The following KIF24 variants were observed in gnomAD, a reference collection of about 807,000 sequenced individuals.
KIF24 encodes kinesin family member 24.
In KIF24, 81 loss-of-function variants were observed where a neutral mutation model predicts 118.9. That is an observed-to-expected ratio of 0.68 (90% confidence interval 0.57 to 0.82). The LOEUF (loss-of-function observed/expected upper bound fraction) is 0.82. Among genes scored for constraint, KIF24 ranks in the 40% least tolerant of loss-of-function variants. The probability of loss-of-function intolerance (pLI) is 0.00; values close to 1 mark genes in which losing one functional copy is unlikely to be tolerated. For synonymous variants in KIF24, 599 were observed against 610.0 expected, an observed-to-expected ratio of 0.98 and a Z score of 0.27; for missense variants, 1,560 against 1,661.6, an observed-to-expected ratio of 0.94 and a Z score of 1.06.
rs1245496947 is a variant in KIF24 at position 34,311,711 on chromosome 9, T to C, written c.-25-340A>G. 2.9e-5 allele frequency among the ~76,000 whole-genome samples: 4 copies of C among 139,980 alleles called. No individual in the cohort carries two copies. The Admixed American group carries it at 3.0e-4, about 11-fold the overall frequency. 91.8% of individuals were successfully genotyped at this position (139,980 alleles called of 152,430 possible). On this transcript the variant is annotated intron_variant, in intron 1 of 12. Transcript: ENST00000402558. ...ATACGTATATATGTACATATATACGTATATATGTATATACACGTATATATA... is the reference window on the plus strand; with the variant it reads ...ATACGTATATATGTACATATATACGCATATATGTATATACACGTATATATA...
intron 1 of KIF24, among the ~76,000 whole-genome samples, chr9:34,322,197 T>TCTAAA (rs1837547489): frequency 6.6e-6 from 1 of 152,178 alleles, no homozygotes; most frequent in African/African-American, 2.4e-5. Flanking sequence ...AACAGAGTAG[T>TCTAAA]GGCTGTCCCC....
chr9:34,260,799 C>T (rs1195962810), intron 9 of KIF24, among the ~76,000 whole-genome samples: 2 of 151,986 alleles, frequency 1.3e-5, no homozygotes, highest in Admixed American at 6.6e-5. Context: ...GGCGAAACCC[C>T]GTCTCTACTA....
intron 6 of KIF24, among the ~76,000 whole-genome samples, chr9:34,285,425 C>T (rs899950828): frequency 7.2e-5 from 11 of 151,820 alleles, no homozygotes; most frequent in South Asian, 6.2e-4. Flanking sequence ...GTCAGGAGTT[C>T]GAGACCACCC....
At chr9:34,319,320 C>A in intron 1 of KIF24, 2 of 923,064 alleles carry the variant, frequency 2.2e-6, no homozygotes, top group Non-Finnish European at 3.6e-6. Context: ...TCTCCTTGCC[C>A]AAGCGGGTGG....
At position 34,318,716 on chromosome 9, in the gene KIF24, G is replaced by C. The variant is rs1051562139; in HGVS notation, c.-25-7345C>G. On this transcript the variant is annotated intron_variant, in intron 1 of 12. Coordinates refer to ENST00000402558, the MANE Select transcript of KIF24 (RefSeq NM_194313.4). This position sits in a 1 kb window ranked among gnomAD's most constrained non-coding sequence, Gnocchi z 4.9. ...GCTGAGTGCCAAGCAGCTGAGCGAC[G>C]AGGAGGTGCACGCCGGCGTGGGCGA... 68 of 1,508,462 alleles carry C rather than the reference G, an allele frequency of 4.5e-5. No homozygotes were observed. In the Admixed American group the frequency reaches 1.2e-3, roughly 26 times the overall value. The allele number at this position is 1,508,462 out of a possible 1,614,324, so 93.4% of individuals were successfully genotyped here. A position where few individuals can be genotyped will look rare whatever the true frequency, so the allele number is the denominator to read the frequency against.
rs991657018 is a variant in KIF24, at chr9:34,261,972, C to T, written c.1515+1129G>A. Among the ~76,000 whole-genome samples the T allele has an allele frequency of 3.9e-5, 6 of 152,110 alleles. No homozygotes were observed. The East Asian group carries it at 5.8e-4, about 15-fold the overall frequency. On this transcript the variant is annotated intron_variant, in intron 9 of 12. Transcript: ENST00000402558. ...TTTTTAAGATGAGGTCTCTTTTTGT[C>T]GCCCAGGCTGGAGTGCAGTGGCGTG...
rs760233276 is a variant in KIF24, at chr9:34,263,100, C to A, written c.1515+1G>T. The stretch of plus-strand genomic sequence containing the variant: ...AACTCAAGGCTCACATTTAACTTTA[C>A]CTGAGTTAGTTTGCTTTGCCTGAAG... On this transcript the variant is annotated splice_donor_variant, in intron 9 of 12. Transcript: ENST00000402558. LOFTEE classifies it high-confidence loss of function. 8.4e-5 allele frequency: 135 copies of A among 1,610,374 alleles called. No individual in the cohort carries two copies. Among genetic ancestry groups the A allele is most frequent in the Non-Finnish European group, 1.1e-4 (127 of 1,177,224 alleles).
At chr9:34,305,916 A>G (rs1836897191) in intron 3 of KIF24, among the ~76,000 whole-genome samples, 1 of 152,152 alleles carries the variant, frequency 6.6e-6, no homozygotes, top group Non-Finnish European at 1.5e-5. Flanking sequence ...CCACTTCATT[A>G]TTTAAATTAT....
chr9:34,257,755 T>C lies in KIF24; in HGVS notation c.1852A>G (p.Ile618Val), dbSNP rs369158262. The C allele has an allele frequency of 3.2e-5, 52 of 1,613,882 alleles. No homozygotes were observed. The highest frequency in any genetic ancestry group is 2.8e-4 in the African/African-American group (21 of 74,920). Residue 618 changes from isoleucine to valine, a missense_variant, in exon 11 of 13, where the codon ATT (isoleucine) becomes GTT (valine). Physicochemically the swap from Ile to Val is conservative, Grantham distance 29. This residue lies in a region of KIF24 where 964 missense variants were observed against 988.0 expected (regional missense o/e 0.98). Transcript: ENST00000402558. ...ACCTTAGGTGCAGAAGTAAAAGGAA[T>C]GTTGGGTGGGTGGCTGGTCAGAGGA... is the stretch of plus-strand genomic sequence containing the variant. ...VHPLTSHPPNIPFTSAPKVSG... is the reference protein window; with the variant it reads ...VHPLTSHPPNVPFTSAPKVSG...
chr9:34,318,967 C>A lies in KIF24; in HGVS notation c.-25-7596G>T. On this transcript the variant is annotated intron_variant, in intron 1 of 12. Coordinates refer to ENST00000402558, the MANE Select transcript of KIF24 (RefSeq NM_194313.4). This position sits in a 1 kb window ranked among gnomAD's most constrained non-coding sequence, Gnocchi z 4.9. ...CCACCGACGGCAAGCTGCCCAAGGT[C>A]ACCAAGGACATGGAGTGCATGGATG... 1 of 1,391,676 alleles carries A rather than the reference C, an allele frequency of 7.2e-7. No homozygotes were observed. The highest frequency in any genetic ancestry group is 1.0e-6 in the Non-Finnish European group (1 of 983,242). 86.2% of individuals were successfully genotyped at this position (1,391,676 alleles called of 1,614,324 possible).
intron 5 of KIF24, among the ~76,000 whole-genome samples, chr9:34,289,857 G>A (rs1237758415): frequency 6.6e-6 from 1 of 152,182 alleles, no homozygotes; most frequent in East Asian, 1.9e-4. Flanking sequence ...AAAAGAACAG[G>A]AAGGGGTTTA....
chr9:34,255,851 T>C lies in KIF24; in HGVS notation c.3756A>G (p.Thr1252=), dbSNP rs1438978576. ...TTGAGATCGGCCTGGGTTTGAGCCA[T>C]GTGACATTTTCACTGTTGCAGGGCA... The part of the protein sequence containing the change: ...IKLPCNSENV[T]WLKPRPISRC... Residue 1252 remains threonine (T), a synonymous_variant, in exon 11 of 13, where the codon ACA becomes ACG. Coordinates refer to ENST00000402558, the MANE Select transcript of KIF24 (RefSeq NM_194313.4). The C allele has an allele frequency of 6.2e-7, 1 of 1,614,038 alleles. No homozygotes were observed. The highest frequency in any genetic ancestry group is 1.7e-5 in the Admixed American group (1 of 60,028).
chr9:34,253,654 C>G lies in KIF24; in HGVS notation c.*726G>C, dbSNP rs1032105081. 8 of 152,184 alleles carry G rather than the reference C, an allele frequency of 5.3e-5. No homozygotes were observed. Among genetic ancestry groups the G allele is most frequent in the African/African-American group, 1.9e-4 (8 of 41,424 alleles). 9.4% of individuals were successfully genotyped at this position (152,184 alleles called of 1,614,324 possible). On this transcript the variant is annotated 3_prime_UTR_variant, in exon 13 of 13. Transcript: ENST00000402558. ...TATCGGGCATTGTACAGAGGCCTTTCACCCGAGCAAAAGTCAGGAGAAAAA... is the reference window on the plus strand; with the variant it reads ...TATCGGGCATTGTACAGAGGCCTTTGACCCGAGCAAAAGTCAGGAGAAAAA...
At position 34,310,857 on chromosome 9, in the gene KIF24, G is replaced by T; in HGVS notation, c.490C>A (p.Gln164Lys). 6.2e-7 allele frequency: 1 copy of T among 1,613,964 alleles called. No individual in the cohort carries two copies. Among genetic ancestry groups the T allele is most frequent in the Non-Finnish European group, 8.5e-7 (1 of 1,179,838 alleles). Residue 164 changes from glutamine (Q) to lysine (K), a missense_variant, in exon 2 of 13, where the codon CAA (glutamine) becomes AAA (lysine). Coordinates refer to ENST00000402558, the MANE Select transcript of KIF24 (RefSeq NM_194313.4). ...LNATAGDSYV[Q>K]TEISTSLFSP... The stretch of plus-strand genomic sequence containing the variant: ...AAGAGTGAAGTGCTGATTTCTGTTT[G>T]CACATAGGAATCACCAGCTGTGGCA...
At position 34,310,852 on chromosome 9, in the gene KIF24, T is replaced by C. The variant is rs760326233; in HGVS notation, c.495A>G (p.Thr165=). The change falls in exon 2 of 13, where the codon ACA becomes ACG. Residue 165 remains threonine (T), a synonymous_variant. Coordinates refer to ENST00000402558, the MANE Select transcript of KIF24 (RefSeq NM_194313.4). The part of the protein sequence containing the change: ...NATAGDSYVQ[T]EISTSLFSPN... ...GTGAAAAGAGTGAAGTGCTGATTTCTGTTTGCACATAGGAATCACCAGCTG... is the reference window on the plus strand; with the variant it reads ...GTGAAAAGAGTGAAGTGCTGATTTCCGTTTGCACATAGGAATCACCAGCTG... The C allele has an allele frequency of 6.2e-7, 1 of 1,614,078 alleles. No individual in the cohort carries two copies. Among genetic ancestry groups the C allele is most frequent in the Non-Finnish European group, 8.5e-7 (1 of 1,179,906 alleles).
At chr9:34,314,267 A>C (rs1837267184) in intron 1 of KIF24, among the ~76,000 whole-genome samples, 1 of 151,402 alleles carries the variant, frequency 6.6e-6, no homozygotes, top group Non-Finnish European at 1.5e-5. Context: ...GAGTTCAAGC[A>C]ATTCCCATGC....
At chr9:34,294,158 T>C (rs1170911214) in intron 4 of KIF24, among the ~76,000 whole-genome samples, 1 of 152,112 alleles carries the variant, frequency 6.6e-6, no homozygotes, top group Non-Finnish European at 1.5e-5. Flanking sequence ...TCTCACTATA[T>C]TGCCCAGGCT....
chr9:34,297,760 T>TA (rs11381710), intron 3 of KIF24, among the ~76,000 whole-genome samples: 49,262 of 142,284 alleles, frequency 0.35, 8,707 homozygotes, highest in South Asian at 0.58. Flanking sequence ...AGATTCCATT[T>TA]AAAAAAAAAA....
intron 2 of KIF24, among the ~76,000 whole-genome samples, chr9:34,306,904 C>T (rs574136894): frequency 1.3e-5 from 2 of 152,206 alleles, no homozygotes; most frequent in Non-Finnish European, 2.9e-5. Context: ...CTTCTATCTC[C>T]ATCCCCACCC....
Sources: gnomAD v4.1 joint callset for allele counts (sites outside exome capture counted in the v4.1 genomes callset) on GRCh38, gnomAD v4.1.1 for gene constraint, gnomAD v4.1.1 regional missense constraint, Gnocchi (gnomAD v3.1) non-coding constraint, MANE v1.5 for transcripts, NCBI Gene and HGNC (gene_info 2026-07-23, HGNC 2026-07-21) for gene names.